The following PARN variants were observed in gnomAD, a reference collection of about 807,000 sequenced individuals.
The protein encoded by PARN is poly(A)-specific ribonuclease PARN.
A neutral mutation model predicts 102.8 loss-of-function variants in PARN; 71 were observed. The ratio of observed to expected loss-of-function variants is 0.69; its 90% CI spans 0.57 to 0.84. The LOEUF is 0.84. Ranked by LOEUF, PARN falls within the 40% of genes least tolerant of loss-of-function variation. PARN has a pLI of 0.00. For synonymous variants in PARN, 261 were observed against 252.9 expected (o/e 1.03, Z -0.30); for missense variants, 782 against 760.9 (o/e 1.03, Z -0.33).
At chr16:14,457,939 T>G (rs1012916403) in intron 22 of PARN, among the ~76,000 whole-genome samples, 13 of 150,478 alleles carry the variant, frequency 8.6e-5, no homozygotes, top group East Asian at 3.9e-4. Flanking sequence ...TGGGTGTGTG[T>G]GTGTGTGTGA....
intron 6 of PARN, among the ~76,000 whole-genome samples, chr16:14,613,475 T>TTGCCACGCGTGG (rs1464808666): frequency 1.3e-5 from 2 of 151,818 alleles, no homozygotes; most frequent in Non-Finnish European, 2.9e-5. Context: ...GTACAAAAAT[T>TTGCCACGCGTGG]TGCCACGCGT....
chr16:14,580,667 C>CT (rs78940243), intron 18 of PARN, among the ~76,000 whole-genome samples: 82 of 144,902 alleles, frequency 5.7e-4, no homozygotes, highest in Middle Eastern at 7.2e-3. Context: ...GCAATGTTTT[C>CT]TTTTTTTTTT....
chr16:14,482,233 CA>C (rs1227443923), intron 22 of PARN, among the ~76,000 whole-genome samples: 1 of 151,970 alleles, frequency 6.6e-6, no homozygotes, highest in Non-Finnish European at 1.5e-5. Flanking sequence ...CTCATCTCTA[CA>C]AAAAATCAAA....
rs926849259 is a variant in PARN at position 14,492,181 on chromosome 16, T to C, written c.1481-9354A>G. 4.6e-5 allele frequency among the ~76,000 whole-genome samples: 7 copies of C among 152,108 alleles called. No individual in the cohort carries two copies. The East Asian group carries it at 1.3e-3, about 29-fold the overall frequency. ...GTCCTGAGGCTGAAAGAGTAGAAAC[T>C]AGGGCAGTGAAAGAGATCTGAGCCC... On this transcript the variant is annotated intron_variant, in intron 21 of 23. Transcript: ENST00000437198.
chr16:14,616,950 A>G (rs1256009768), intron 6 of PARN, among the ~76,000 whole-genome samples: 1 of 152,100 alleles, frequency 6.6e-6, no homozygotes, highest in African/African-American at 2.4e-5. Context: ...TTAGGCCACT[A>G]TATCACGCCA....
chr16:14,538,218 A>AGTT (rs1243488478), intron 21 of PARN, among the ~76,000 whole-genome samples: 13 of 144,954 alleles, frequency 9.0e-5, no homozygotes, highest in African/African-American at 3.3e-4. Context: ...AATATTTTTC[A>AGTT]CTTTTTTTTT....
chr16:14,547,532 C>T (rs1967030636), intron 21 of PARN, among the ~76,000 whole-genome samples: 1 of 151,978 alleles, frequency 6.6e-6, no homozygotes, highest in African/African-American at 2.4e-5. Flanking sequence ...TGGCAAGGCC[C>T]CATCTCTACA....
At chr16:14,449,707 A>G (rs907795939) in intron 22 of PARN, among the ~76,000 whole-genome samples, 16 of 152,246 alleles carry the variant, frequency 1.1e-4, no homozygotes, top group African/African-American at 3.6e-4. Flanking sequence ...TAAACAGCTC[A>G]TTACACACAC....
intron 20 of PARN, 60 bp downstream of exon 20, chr16:14,554,005 G>A (rs868045353): frequency 1.9e-6 from 2 of 1,035,310 alleles, no homozygotes; most frequent in Middle Eastern, 2.0e-4. Context: ...TTCTACTTCT[G>A]ACCACCTATA....
At chr16:14,540,340 A>C (rs1020036524) in intron 21 of PARN, among the ~76,000 whole-genome samples, 3 of 152,200 alleles carry the variant, frequency 2.0e-5, no homozygotes, top group African/African-American at 4.8e-5. Context: ...TTTTTATTGA[A>C]TATTTTGTGC....
intron 21 of PARN, among the ~76,000 whole-genome samples, chr16:14,538,922 T>A (rs1966734093): frequency 1.3e-5 from 2 of 152,188 alleles, no homozygotes. Flanking sequence ...ATGAGGAATC[T>A]AGGTTGTGCA....
At chr16:14,620,100 G>GGGC (rs1567461257) in intron 5 of PARN, among the ~76,000 whole-genome samples, 1 of 147,554 alleles carries the variant, frequency 6.8e-6, no homozygotes, top group South Asian at 2.1e-4. Context: ...AACACTGGCC[G>GGGC]GGCACAGTGG....
chr16:14,476,833 G>A (rs1326396242), intron 22 of PARN, among the ~76,000 whole-genome samples: 1 of 152,128 alleles, frequency 6.6e-6, no homozygotes, highest in Non-Finnish European at 1.5e-5. Flanking sequence ...ACAACACAAA[G>A]AGGTATAAGC....
intron 21 of PARN, among the ~76,000 whole-genome samples, chr16:14,529,901 T>C (rs1166904752): frequency 1.3e-5 from 2 of 151,872 alleles, no homozygotes; most frequent in Non-Finnish European, 2.9e-5. Context: ...CCTACAGAAA[T>C]CCAGAAATCC....
chr16:14,581,916 C>A (rs915570475), intron 17 of PARN, among the ~76,000 whole-genome samples: 1 of 152,112 alleles, frequency 6.6e-6, no homozygotes, highest in Non-Finnish European at 1.5e-5. Flanking sequence ...AAAAAAGAGG[C>A]GGCACAGCTT....
At chr16:14,606,452 T>TA (rs1456278106) in intron 10 of PARN, 32 bp downstream of exon 10, 3 of 1,348,910 alleles carry the variant, frequency 2.2e-6, no homozygotes, top group Non-Finnish European at 2.1e-6. Context: ...TGGATGTGTT[T>TA]AATGTTAGCC....
At chr16:14,531,919 C>G (rs1966356471) in intron 21 of PARN, among the ~76,000 whole-genome samples, 1 of 147,080 alleles carries the variant, frequency 6.8e-6, no homozygotes, top group African/African-American at 2.5e-5. Flanking sequence ...AAAAAAAAGG[C>G]AGGCATGGTT....
intron 23 of PARN, among the ~76,000 whole-genome samples, chr16:14,438,157 C>A (rs912867881): frequency 1.4e-4 from 21 of 152,140 alleles, no homozygotes; most frequent in Non-Finnish European, 2.6e-4. Flanking sequence ...TGCAAGGGGC[C>A]TGTGATAACC....
chr16:14,438,201 A>ATT (rs1960791873), intron 23 of PARN, among the ~76,000 whole-genome samples: 1 of 152,194 alleles, frequency 6.6e-6, no homozygotes, highest in African/African-American at 2.4e-5. Flanking sequence ...TCCCACAATG[A>ATT]TACAATAAAC....
Sources: gnomAD v4.1 joint callset for allele counts (sites outside exome capture counted in the v4.1 genomes callset) on GRCh38, gnomAD v4.1.1 for gene constraint, MANE v1.5 for transcripts, NCBI Gene and HGNC (gene_info 2026-07-23, HGNC 2026-07-21) for gene names.